ANKRD44: variants seen among roughly 807,000 people sequenced by gnomAD.
The protein encoded by ANKRD44 is ankyrin repeat domain 44.
ANKRD44 carries 35 observed loss-of-function variants against 116.0 expected under a neutral mutation model. That is an observed-to-expected ratio of 0.30 (90% CI 0.23 to 0.40). The LOEUF is 0.40. Among genes scored for constraint, ANKRD44 ranks in the 10% least tolerant of loss-of-function variants. The probability of loss-of-function intolerance (pLI) is 1.00; values close to 1 mark genes in which losing one functional copy is unlikely to be tolerated. For synonymous variants in ANKRD44, 435 were observed against 461.8 expected (o/e 0.94, Z 0.74); for missense variants, 1,014 against 1,242.6 (o/e 0.82, Z 2.77).
intron 1 of ANKRD44, among the ~76,000 whole-genome samples, chr2:197,267,167 C>T (rs1016838652): frequency 2.0e-5 from 3 of 152,198 alleles, no homozygotes; most frequent in Non-Finnish European, 4.4e-5. Flanking sequence ...TAGCATTCTT[C>T]CTTACCATCT....
intron 20 of ANKRD44, among the ~76,000 whole-genome samples, chr2:197,006,604 G>A (rs1454416787): frequency 6.6e-6 from 1 of 152,176 alleles, no homozygotes; most frequent in African/African-American, 2.4e-5. Flanking sequence ...CAACTTCAGA[G>A]GACGTTGTGA....
At chr2:197,127,884 G>A (rs773540628) in intron 4 of ANKRD44, among the ~76,000 whole-genome samples, 3 of 152,006 alleles carry the variant, frequency 2.0e-5, no homozygotes, top group Non-Finnish European at 2.9e-5. Context: ...TGTTCTCATC[G>A]TTCAGCTCCC....
intron 1 of ANKRD44, among the ~76,000 whole-genome samples, chr2:197,275,648 G>T (rs2105801780): frequency 6.6e-6 from 1 of 152,100 alleles, no homozygotes; most frequent in East Asian, 1.9e-4. Flanking sequence ...TATGTCCACA[G>T]CAGTGGTTCT....
At chr2:197,121,571 T>A in intron 7 of ANKRD44, 27 bp from the exon 8 acceptor site, 1 of 1,596,482 alleles carries the variant, frequency 6.3e-7, no homozygotes, top group Non-Finnish European at 8.6e-7. Context: ...CACAGGGTGA[T>A]TAAAGTCATT....
intron 2 of ANKRD44, among the ~76,000 whole-genome samples, chr2:197,162,719 G>A (rs1006352821): frequency 1.3e-5 from 2 of 152,124 alleles, no homozygotes; most frequent in African/African-American, 4.8e-5. Flanking sequence ...ATAGGCTTCT[G>A]GACAGTACCA....
In ANKRD44 at chr2:197,123,013, T is replaced by A. The variant is rs1467200262; in HGVS notation, c.551-221A>T. Among the ~76,000 whole-genome samples the A allele has an allele frequency of 2.6e-5, 4 of 152,244 alleles. No homozygotes were observed. The South Asian group carries it at 8.3e-4, about 31-fold the overall frequency. ...GTGGGGAGAAAAAAGATGATTCATA[T>A]GTGAGCCTTCTCTTCAAGGAGATCT... is the stretch of plus-strand genomic sequence containing the variant. On this transcript the variant is annotated intron_variant, in intron 6 of 27. Coordinates refer to ENST00000282272, the MANE Select transcript of ANKRD44 (RefSeq NM_001195144.2).
At chr2:197,303,243 A>T (rs991077756) in intron 1 of ANKRD44, among the ~76,000 whole-genome samples, 1 of 152,252 alleles carries the variant, frequency 6.6e-6, no homozygotes, top group African/African-American at 2.4e-5. Context: ...ATTCCACAAG[A>T]TGAGAAAAGA....
intron 15 of ANKRD44, among the ~76,000 whole-genome samples, chr2:197,079,488 A>G (rs2077745513): frequency 6.6e-6 from 1 of 152,238 alleles, no homozygotes; most frequent in African/African-American, 2.4e-5. Context: ...AGTCTTTGGA[A>G]TGCTTAGAGG....
At chr2:197,040,391 T>TG (rs1267330030) in intron 16 of ANKRD44, among the ~76,000 whole-genome samples, 1 of 149,522 alleles carries the variant, frequency 6.7e-6, no homozygotes, top group Non-Finnish European at 1.5e-5. Flanking sequence ...TTTTTTTTTT[T>TG]TTTGAGACAG....
chr2:197,170,506 C>A (rs1460401826), intron 2 of ANKRD44, among the ~76,000 whole-genome samples: 1 of 152,178 alleles, frequency 6.6e-6, no homozygotes, highest in Non-Finnish European at 1.5e-5. Flanking sequence ...AACACCATTC[C>A]AATTCATTGT....
At chr2:197,224,327 C>T (rs1278940395) in intron 1 of ANKRD44, among the ~76,000 whole-genome samples, 1 of 152,148 alleles carries the variant, frequency 6.6e-6, no homozygotes, top group African/African-American at 2.4e-5. Context: ...TTTTTCCTCC[C>T]TGTAAATATA....
chr2:197,014,940 G>C (rs1208096495), intron 17 of ANKRD44: 1 of 163,782 alleles, frequency 6.1e-6, no homozygotes, highest in Non-Finnish European at 1.3e-5. Context: ...GAAAATAAGA[G>C]AAGGGAGCTC....
At chr2:197,225,938 T>C (rs1334400858) in intron 1 of ANKRD44, among the ~76,000 whole-genome samples, 1 of 152,196 alleles carries the variant, frequency 6.6e-6, no homozygotes, top group African/African-American at 2.4e-5. Context: ...AAACAAATAA[T>C]TCCTCTTTTC....
At chr2:197,209,396 A>C (rs1559151525) in intron 1 of ANKRD44, among the ~76,000 whole-genome samples, 1 of 152,238 alleles carries the variant, frequency 6.6e-6, no homozygotes, top group African/African-American at 2.4e-5. Flanking sequence ...GGGAGTGCAA[A>C]TGAACAGAGA....
At chr2:197,029,537 C>T in intron 16 of ANKRD44, 2 of 481,690 alleles carry the variant, frequency 4.2e-6, no homozygotes, top group Non-Finnish European at 8.2e-6. Flanking sequence ...CACTTTCAGT[C>T]CAATGCAGAA....
chr2:196,967,286 G>A (rs2075680176), exon 22 of ANKRD44: 2 of 324,772 alleles, frequency 6.2e-6, no homozygotes, highest in Non-Finnish European at 1.4e-5. Flanking sequence ...CAGGCAAGGC[G>A]AATCCGGTTA....
intron 1 of ANKRD44, among the ~76,000 whole-genome samples, chr2:197,230,485 A>C (rs535853926): frequency 4.6e-5 from 7 of 152,330 alleles, no homozygotes; most frequent in African/African-American, 1.4e-4. Context: ...AAGGCACATA[A>C]TTCTATCACA....
intron 4 of ANKRD44, among the ~76,000 whole-genome samples, chr2:197,127,898 T>C (rs749315894): frequency 1.4e-4 from 22 of 152,170 alleles, no homozygotes; most frequent in Non-Finnish European, 4.4e-5. Flanking sequence ...AGCTCCCACT[T>C]GTAAGTGAGG....
intron 3 of ANKRD44, among the ~76,000 whole-genome samples, chr2:197,138,337 C>A (rs551935128): frequency 1.4e-4 from 22 of 152,238 alleles, no homozygotes; most frequent in African/African-American, 5.1e-4. Flanking sequence ...TTTAAGAACA[C>A]AAAGAACCAT....
Sources: allele counts gnomAD v4.1 joint callset (sites outside exome capture counted in the v4.1 genomes callset), GRCh38; gene constraint gnomAD v4.1.1; transcripts MANE v1.5; gene names NCBI Gene and HGNC (gene_info 2026-07-23, HGNC 2026-07-21).